Variants in PTCH1 observed in about 807,000 individuals in gnomAD.
The protein encoded by PTCH1 is patched 1, also known as protein patched homolog 1.
Under a neutral mutation model 144.6 loss-of-function variants are expected in PTCH1, and 14 were observed. The ratio of observed to expected loss-of-function variants is 0.10; its 90% CI spans 0.06 to 0.15. PTCH1 has a LOEUF of 0.15. Among genes scored for constraint, PTCH1 ranks in the 10% least tolerant of loss-of-function variants. The pLI is 1.00. For missense variants in PTCH1, 1,623 were observed against 1,948.3 expected, an observed-to-expected ratio of 0.83 and a Z score of 3.14; for synonymous variants, 833 against 793.6, an observed-to-expected ratio of 1.05 and a Z score of -0.83.
chr9:95,497,172 C>T (rs1842852069), intron 2 of PTCH1, among the ~76,000 whole-genome samples: 1 of 152,180 alleles, frequency 6.6e-6, no homozygotes, highest in African/African-American at 2.4e-5. Flanking sequence ...ACTCACAAAA[C>T]ATGTTCGTAT....
chr9:95,485,074 T>C (rs1248523505), intron 3 of PTCH1, among the ~76,000 whole-genome samples: 1 of 151,968 alleles, frequency 6.6e-6, no homozygotes, highest in Non-Finnish European at 1.5e-5. Flanking sequence ...GGTGTGGTGG[T>C]GGGCGCCTCT....
At chr9:95,463,140 G>A (rs888944263) in intron 15 of PTCH1, among the ~76,000 whole-genome samples, 1 of 151,510 alleles carries the variant, frequency 6.6e-6, no homozygotes, top group Admixed American at 6.6e-5. Context: ...ATTTCATTTC[G>A]GGACATGCCT....
At position 95,458,139 on chromosome 9, in the gene PTCH1, G is replaced by A. The variant is rs757821035; in HGVS notation, c.3042C>T (p.Pro1014=). The A allele has an allele frequency of 6.2e-7, 1 of 1,614,236 alleles. No homozygotes were observed. The highest frequency in any genetic ancestry group is 8.5e-7 in the Non-Finnish European group (1 of 1,180,048). The change falls in exon 18 of 24, where the codon CCC becomes CCT. Residue 1014 remains proline (P), a synonymous_variant. Transcript: ENST00000331920. The surrounding 1 kb of genome is among the most constrained non-coding windows in gnomAD (Gnocchi z 4.7). ...LGLSSYPNGY[P]FLFWEQYIGL... The stretch of plus-strand genomic sequence containing the variant: ...CGATGTACTGCTCCCAGAAGAGGAA[G>A]GGGTAGCCGTTGGGGTAACTGGACA...
At chr9:95,460,357 T>C (rs2136676336) in intron 16 of PTCH1, among the ~76,000 whole-genome samples, 1 of 152,252 alleles carries the variant, frequency 6.6e-6, no homozygotes, top group Admixed American at 6.5e-5. Context: ...CCGGAGGTCG[T>C]AGTACTCCGC....
intron 22 of PTCH1, 73 bp from the exon 23 acceptor site, chr9:95,447,524 C>A (rs1157782376): frequency 9.0e-6 from 13 of 1,437,340 alleles, no homozygotes; most frequent in Non-Finnish European, 1.2e-5. Flanking sequence ...CCCACACTTC[C>A]CTCCTTGGGT....
At chr9:95,514,065 G>C (rs1336970390), upstream of PTCH1, 1 of 152,122 alleles carries the variant, frequency 6.6e-6, no homozygotes, top group African/African-American at 2.4e-5. Flanking sequence ...GATTACTCCA[G>C]GTCTAAATAC....
rs761399563 is a variant in PTCH1, at chr9:95,446,868, C to T, written c.*1+43G>A. 5.0e-6 allele frequency: 8 copies of T among 1,612,224 alleles called. No individual in the cohort carries two copies. In the South Asian group the frequency reaches 6.6e-5, roughly 13 times the overall value. ...CAGGAGAACCTTGTCCTCCTCTTTG[C>T]CTGGCTCTAGGTCCCTTGGCTGCCC... On this transcript the variant is annotated intron_variant, in intron 23 of 23. Coordinates refer to ENST00000331920, the MANE Select transcript of PTCH1 (RefSeq NM_000264.5).
At chr9:95,475,565 C>T (rs890423387) in intron 12 of PTCH1, among the ~76,000 whole-genome samples, 4 of 152,176 alleles carry the variant, frequency 2.6e-5, no homozygotes, top group Non-Finnish European at 5.9e-5. Context: ...GCGACCTCAG[C>T]TTAATACTGT....
chr9:95,496,077 G>A, intron 2 of PTCH1, among the ~76,000 whole-genome samples: 1 of 152,138 alleles, frequency 6.6e-6, no homozygotes, highest in Non-Finnish European at 1.5e-5. Context: ...GTAAGCTTTG[G>A]CGGCCCTGAC....
At chr9:95,463,721 T>TA (rs1554693175) in intron 15 of PTCH1, among the ~76,000 whole-genome samples, 1 of 152,060 alleles carries the variant, frequency 6.6e-6, no homozygotes, top group Non-Finnish European at 1.5e-5. Context: ...ACAGCCCCGT[T>TA]AGAGTTAATC....
chr9:95,460,631 C>T (rs977088213), intron 16 of PTCH1, among the ~76,000 whole-genome samples: 2 of 152,120 alleles, frequency 1.3e-5, no homozygotes, highest in African/African-American at 2.4e-5. Context: ...AACTGGATTT[C>T]GGGGATCTGG....
intron 18 of PTCH1, 71 bp from the exon 19 acceptor site, chr9:95,456,484 C>A (rs2136651786): frequency 6.3e-7 from 1 of 1,579,344 alleles, no homozygotes; most frequent in Non-Finnish European, 8.6e-7. Flanking sequence ...GGGAGGTCGC[C>A]AGAGGGCTAA....
chr9:95,509,276 G>A (rs1414583079), upstream of PTCH1, among the ~76,000 whole-genome samples: 1 of 152,098 alleles, frequency 6.6e-6, no homozygotes, highest in East Asian at 1.9e-4. Context: ...TGGAGGGGGA[G>A]AGAGCGAGCG....
intron 16 of PTCH1, among the ~76,000 whole-genome samples, 163 bp downstream of exon 16, chr9:95,461,693 T>C (rs1159874585): frequency 2.0e-5 from 3 of 152,146 alleles, no homozygotes; most frequent in Admixed American, 1.3e-4. Flanking sequence ...AATTAGCTGG[T>C]GGGAGGAGGT....
At chr9:95,477,739 G>C (rs764210999) in intron 9 of PTCH1, 37 bp from the exon 10 acceptor site, 1 of 1,611,266 alleles carries the variant, frequency 6.2e-7, no homozygotes, top group Non-Finnish European at 8.5e-7. Context: ...AACAAAAGCC[G>C]AACATTAGAA....
At chr9:95,511,900 G>A (rs1452879813), upstream of PTCH1, among the ~76,000 whole-genome samples, 1 of 152,168 alleles carries the variant, frequency 6.6e-6, no homozygotes, top group Non-Finnish European at 1.5e-5. Context: ...AAGCTTGCTG[G>A]AGGGCAAGGA....
intron 8 of PTCH1, 113 bp downstream of exon 8, chr9:95,478,887 A>G: frequency 6.6e-7 from 1 of 1,514,320 alleles, no homozygotes; most frequent in South Asian, 1.2e-5. Flanking sequence ...TCAAGTTCCC[A>G]GAATTGCAAT....
chr9:95,484,980 C>T (rs565523130), intron 3 of PTCH1, among the ~76,000 whole-genome samples: 3 of 152,036 alleles, frequency 2.0e-5, no homozygotes, highest in Non-Finnish European at 2.9e-5. Flanking sequence ...CTGAGGCAGG[C>T]GGATCACTTG....
Position 95,508,583 on chromosome 9 carries a change from G to A in PTCH1, c.-222C>T, listed in dbSNP as rs1843945565. The A allele has an allele frequency of 1.0e-6, 1 of 999,018 alleles. No individual in the cohort carries two copies. Among genetic ancestry groups the A allele is most frequent in the Non-Finnish European group, 1.2e-6 (1 of 839,446 alleles). The allele number at this position is 999,018 out of a possible 1,614,324, so 61.9% of individuals were successfully genotyped here. A position where few individuals can be genotyped will look rare whatever the true frequency, so the allele number is the denominator to read the frequency against. On this transcript the variant is annotated 5_prime_UTR_variant, in exon 1 of 24. Coordinates refer to ENST00000331920, the MANE Select transcript of PTCH1 (RefSeq NM_000264.5). ...CTGCGGCCGCGGCCGCTGCCGGGGAGTCAGACCCTGCGCCTTCCATTGCCA... is the reference window on the plus strand; with the variant it reads ...CTGCGGCCGCGGCCGCTGCCGGGGAATCAGACCCTGCGCCTTCCATTGCCA...
Sources: allele counts gnomAD v4.1 joint callset (sites outside exome capture counted in the v4.1 genomes callset), GRCh38; gene constraint gnomAD v4.1.1; non-coding constraint Gnocchi (gnomAD v3.1); transcripts MANE v1.5; gene names NCBI Gene and HGNC (gene_info 2026-07-23, HGNC 2026-07-21).